ERBB4: variants seen among roughly 807,000 people sequenced by gnomAD.
The protein encoded by ERBB4 is erb-b2 receptor tyrosine kinase 4, also known as receptor tyrosine-protein kinase erbB-4.
A neutral mutation model predicts 158.0 loss-of-function variants in ERBB4; 42 were observed. The observed-to-expected ratio is 0.27, with a 90% CI of 0.21 to 0.34. ERBB4 has a LOEUF of 0.34. Among genes scored for constraint, ERBB4 ranks in the 10% least tolerant of loss-of-function variants. The pLI is 1.00. For synonymous variants in ERBB4, 583 were observed against 558.7 expected (o/e 1.04, Z -0.61); for missense variants, 1,333 against 1,624.1 (o/e 0.82, Z 3.08).
chr2:212,106,333 T>C (rs1287402682), intron 2 of ERBB4, among the ~76,000 whole-genome samples: 2 of 152,204 alleles, frequency 1.3e-5, no homozygotes, highest in African/African-American at 4.8e-5. Flanking sequence ...AGGTAACTCT[T>C]GTTATGTTTT....
At chr2:211,758,248 G>A (rs565309033) in intron 4 of ERBB4, among the ~76,000 whole-genome samples, 1 of 152,218 alleles carries the variant, frequency 6.6e-6, no homozygotes, top group South Asian at 2.1e-4. Context: ...TTACTGTTCT[G>A]TATATTCTAT....
At chr2:211,808,396 T>C (rs1350450365) in intron 3 of ERBB4, among the ~76,000 whole-genome samples, 1 of 152,150 alleles carries the variant, frequency 6.6e-6, no homozygotes, top group Middle Eastern at 3.2e-3. Flanking sequence ...CCTTTCCCCA[T>C]TGCTTTTTTT....
intron 13 of ERBB4, among the ~76,000 whole-genome samples, chr2:211,673,611 T>C (rs1191536129): frequency 1.3e-5 from 2 of 151,210 alleles, no homozygotes; most frequent in African/African-American, 4.9e-5. Flanking sequence ...TTTGTCTTTA[T>C]ATACAATTTT....
At chr2:212,255,204 G>A (rs2084682783) in intron 1 of ERBB4, among the ~76,000 whole-genome samples, 1 of 152,004 alleles carries the variant, frequency 6.6e-6, no homozygotes, top group Non-Finnish European at 1.5e-5. Flanking sequence ...GAAAAAATAA[G>A]AATAATATTT....
Position 211,379,158 on chromosome 2 carries a change from G to C in ERBB4, c.*4457C>G, listed in dbSNP as rs1222798523. The C allele has an allele frequency of 4.4e-6, 1 of 229,814 alleles. No individual in the cohort carries two copies. Among genetic ancestry groups the C allele is most frequent in the Non-Finnish European group, 8.6e-6 (1 of 116,124 alleles). The allele number at this position is 229,814 out of a possible 1,614,324, so 14.2% of individuals were successfully genotyped here. A position where few individuals can be genotyped will look rare whatever the true frequency, so the allele number is the denominator to read the frequency against. ...TCATTTTTGGAGGCAAGAGGGCATA[G>C]TGAGAAAAGAAAGGACATATCACCA... On this transcript the variant is annotated 3_prime_UTR_variant, in exon 28 of 28. Coordinates refer to ENST00000342788, the MANE Select transcript of ERBB4 (RefSeq NM_005235.3).
intron 20 of ERBB4, among the ~76,000 whole-genome samples, chr2:211,506,930 G>A (rs1271960383): frequency 6.6e-6 from 1 of 151,860 alleles, no homozygotes; most frequent in Non-Finnish European, 1.5e-5. Flanking sequence ...AAAAAATGAA[G>A]TTTGTTTTTT....
intron 20 of ERBB4, among the ~76,000 whole-genome samples, chr2:211,512,613 T>TA (rs900601172): frequency 1.7e-4 from 26 of 152,218 alleles, no homozygotes; most frequent in African/African-American, 5.8e-4. Flanking sequence ...TCTAATCAAT[T>TA]AAAAAATGCC....
intron 1 of ERBB4, among the ~76,000 whole-genome samples, chr2:212,482,721 A>G (rs1343308879): frequency 1.3e-5 from 2 of 152,108 alleles, no homozygotes; most frequent in African/African-American, 4.8e-5. Context: ...GGTTCAAGGG[A>G]TTCCCCTGCC....
At chr2:212,060,303 A>G (rs1295974427) in intron 2 of ERBB4, among the ~76,000 whole-genome samples, 3 of 151,876 alleles carry the variant, frequency 2.0e-5, no homozygotes, top group Non-Finnish European at 2.9e-5. Context: ...TAAAAAGTCA[A>G]GAAACAACAG....
chr2:212,399,105 A>C (rs968627667), intron 1 of ERBB4, among the ~76,000 whole-genome samples: 1 of 151,668 alleles, frequency 6.6e-6, no homozygotes, highest in Non-Finnish European at 1.5e-5. Context: ...ACCACGCCTG[A>C]CTAATTTTTG....
chr2:212,362,911 C>G (rs13384508), intron 1 of ERBB4, among the ~76,000 whole-genome samples: 57 of 150,984 alleles, frequency 3.8e-4, no homozygotes, highest in Non-Finnish European at 6.1e-4. Context: ...TACTTACAGC[C>G]TAATTTTTAA....
chr2:211,985,811 A>T (rs2081923282), intron 2 of ERBB4, among the ~76,000 whole-genome samples: 1 of 152,162 alleles, frequency 6.6e-6, no homozygotes, highest in Non-Finnish European at 1.5e-5. Context: ...CTTAAGAGAA[A>T]ATTGAAAATA....
At chr2:212,124,543 G>T (rs2079858959) in intron 2 of ERBB4, 6 of 581,512 alleles carry the variant, frequency 1.0e-5, no homozygotes, top group Non-Finnish European at 1.8e-5. Context: ...AACAGCAACT[G>T]CTTTAAACTC....
At chr2:212,308,205 A>G (rs2086886239) in intron 1 of ERBB4, among the ~76,000 whole-genome samples, 1 of 151,202 alleles carries the variant, frequency 6.6e-6, no homozygotes. Context: ...TAGGTATTAA[A>G]TATTAACTGA....
chr2:211,727,130 T>C (rs1348749652), intron 5 of ERBB4, among the ~76,000 whole-genome samples: 1 of 152,192 alleles, frequency 6.6e-6, no homozygotes, highest in East Asian at 1.9e-4. Context: ...CTATGTAGTC[T>C]GAAGATCTAG....
intron 12 of ERBB4, among the ~76,000 whole-genome samples, chr2:211,688,899 T>C (rs950881644): frequency 6.6e-6 from 1 of 152,200 alleles, no homozygotes; most frequent in Non-Finnish European, 1.5e-5. Flanking sequence ...AAATATATTA[T>C]AAATTATTTT....
chr2:212,374,480 G>A (rs1448216603), intron 1 of ERBB4, among the ~76,000 whole-genome samples: 1 of 151,952 alleles, frequency 6.6e-6, no homozygotes, highest in Non-Finnish European at 1.5e-5. Flanking sequence ...TTGCATAAAA[G>A]CAAACGATGT....
intron 1 of ERBB4, among the ~76,000 whole-genome samples, chr2:212,187,401 C>T (rs538990939): frequency 7.6e-6 from 1 of 131,084 alleles, no homozygotes; most frequent in South Asian, 2.4e-4. Flanking sequence ...TGCACATGTA[C>T]CCTAAAACTT....
chr2:211,966,019 G>A (rs906247774), intron 2 of ERBB4, among the ~76,000 whole-genome samples: 10 of 152,082 alleles, frequency 6.6e-5, no homozygotes, highest in Non-Finnish European at 1.0e-4. Flanking sequence ...CAAGACCAGC[G>A]TGGGTAACTC....
Sources: gnomAD v4.1 joint callset for allele counts (sites outside exome capture counted in the v4.1 genomes callset) on GRCh38, gnomAD v4.1.1 for gene constraint, MANE v1.5 for transcripts, NCBI Gene and HGNC (gene_info 2026-07-23, HGNC 2026-07-21) for gene names.